The following SBF2 variants were observed in gnomAD, a reference collection of about 807,000 sequenced individuals.
The protein encoded by SBF2 is myotubularin-related protein 13.
Under a neutral mutation model 225.2 loss-of-function variants are expected in SBF2, and 112 were observed. The ratio of observed to expected loss-of-function variants is 0.50; its 90% CI spans 0.43 to 0.58. The LOEUF is 0.58. Ranked by LOEUF, SBF2 falls within the 20% of genes least tolerant of loss-of-function variation. SBF2 has a pLI of 0.00. For synonymous variants in SBF2, 763 were observed against 773.3 expected, an observed-to-expected ratio of 0.99 and a Z score of 0.22; for missense variants, 1,996 against 2,206.2, an observed-to-expected ratio of 0.90 and a Z score of 1.91.
intron 2 of SBF2, among the ~76,000 whole-genome samples, chr11:10,180,790 C>T (rs963812421): frequency 6.6e-6 from 1 of 152,078 alleles, no homozygotes; most frequent in African/African-American, 2.4e-5. Flanking sequence ...TCTTCAAGCT[C>T]ACAAATTCTT....
At chr11:10,293,911 T>A in intron 1 of SBF2, 104 bp downstream of exon 1, 1 of 738,338 alleles carries the variant, frequency 1.4e-6, no homozygotes, top group Non-Finnish European at 1.8e-6. Flanking sequence ...AGACTCGGCC[T>A]GGCCCTCCCC....
intron 1 of SBF2, among the ~76,000 whole-genome samples, chr11:10,259,877 GCTTCT>G (rs1435262762): frequency 5.9e-5 from 9 of 152,040 alleles, no homozygotes; most frequent in Admixed American, 4.6e-4. Flanking sequence ...AAAAATAGTA[GCTTCT>G]CTTGAGGACT....
intron 1 of SBF2, among the ~76,000 whole-genome samples, chr11:10,229,508 G>A (rs28851222): frequency 0.028 from 4,297 of 152,268 alleles, 219 homozygotes; most frequent in African/African-American, 0.098. Flanking sequence ...ATTCTGGTAC[G>A]TTGTGTCTTC....
At chr11:9,849,764 C>T (rs1051315580) in intron 22 of SBF2, among the ~76,000 whole-genome samples, 1 of 152,110 alleles carries the variant, frequency 6.6e-6, no homozygotes, top group African/African-American at 2.4e-5. Flanking sequence ...AACACTCTGC[C>T]TCATGAAATG....
intron 16 of SBF2, among the ~76,000 whole-genome samples, chr11:9,898,809 A>G (rs538285026): frequency 7.2e-5 from 11 of 152,352 alleles, no homozygotes; most frequent in Admixed American, 2.0e-4. Flanking sequence ...TATTTTAACT[A>G]ATTCATCCTA....
chr11:9,988,078 G>A (rs1257373159), intron 13 of SBF2, among the ~76,000 whole-genome samples: 3 of 152,086 alleles, frequency 2.0e-5, no homozygotes, highest in Non-Finnish European at 4.4e-5. Context: ...TAGACCAATG[G>A]AACAGAATAG....
intron 2 of SBF2, among the ~76,000 whole-genome samples, chr11:10,085,851 A>T (rs901818309): frequency 1.3e-5 from 2 of 151,948 alleles, no homozygotes; most frequent in Non-Finnish European, 2.9e-5. Context: ...CCAGCCAAAA[A>T]TAATTTTTCT....
At chr11:9,912,109 G>C (rs1452032012) in intron 16 of SBF2, among the ~76,000 whole-genome samples, 1 of 151,896 alleles carries the variant, frequency 6.6e-6, no homozygotes, top group Non-Finnish European at 1.5e-5. Flanking sequence ...AAGGTTAGGA[G>C]TTCAAGACCA....
chr11:10,069,450 G>A (rs1370070129), intron 2 of SBF2, among the ~76,000 whole-genome samples: 4 of 151,932 alleles, frequency 2.6e-5, no homozygotes, highest in African/African-American at 9.7e-5. Flanking sequence ...AAGAACGATG[G>A]TTTCTAACTT....
At chr11:9,823,335 G>A (rs955970238) in intron 28 of SBF2, among the ~76,000 whole-genome samples, 1 of 152,082 alleles carries the variant, frequency 6.6e-6, no homozygotes, top group Non-Finnish European at 1.5e-5. Flanking sequence ...CTGAAAAAGA[G>A]GTGAAGGTCA....
At chr11:10,006,332 T>C (rs1184729040) in intron 6 of SBF2, among the ~76,000 whole-genome samples, 3 of 152,226 alleles carry the variant, frequency 2.0e-5, no homozygotes, top group African/African-American at 7.2e-5. Flanking sequence ...AGATGACCTC[T>C]AATCCTGCCT....
chr11:10,098,274 A>C (rs1270047155), intron 2 of SBF2, among the ~76,000 whole-genome samples: 1 of 152,108 alleles, frequency 6.6e-6, no homozygotes, highest in Non-Finnish European at 1.5e-5. Context: ...GATTGAGAGA[A>C]GGAATGTAAA....
At chr11:10,098,842 T>A in intron 2 of SBF2, among the ~76,000 whole-genome samples, 1 of 150,384 alleles carries the variant, frequency 6.6e-6, no homozygotes, top group African/African-American at 2.4e-5. Context: ...TGATTTCCAG[T>A]CAGAGGAGAA....
chr11:9,942,977 GAGGAAGAA>G (rs1425809776), intron 16 of SBF2, among the ~76,000 whole-genome samples: 1 of 117,906 alleles, frequency 8.5e-6, no homozygotes, highest in Non-Finnish European at 1.9e-5. Flanking sequence ...GAAAAAGAAA[GAGGAAGAA>G]AGAAAGAAAG....
At chr11:9,850,907 A>ATG (rs1473503252) in intron 21 of SBF2, among the ~76,000 whole-genome samples, 3 of 152,180 alleles carry the variant, frequency 2.0e-5, no homozygotes, top group Admixed American at 2.0e-4. Flanking sequence ...AGGTTGAGGC[A>ATG]GATGGATCAC....
chr11:9,976,072 C>CTTCT (rs1554971833), intron 13 of SBF2, among the ~76,000 whole-genome samples: 1 of 128,254 alleles, frequency 7.8e-6, no homozygotes, highest in African/African-American at 3.0e-5. Context: ...TCTTCTTCTT[C>CTTCT]TTTTTTTTTT....
intron 34 of SBF2, among the ~76,000 whole-genome samples, chr11:9,789,612 T>C (rs1181391644): frequency 6.6e-6 from 1 of 152,218 alleles, no homozygotes; most frequent in Non-Finnish European, 1.5e-5. Context: ...CTCAGAATTT[T>C]ATACTAACAA....
intron 2 of SBF2, among the ~76,000 whole-genome samples, chr11:10,094,881 C>G (rs184750186): frequency 5.3e-5 from 8 of 151,402 alleles, no homozygotes; most frequent in Admixed American, 2.0e-4. Flanking sequence ...GTATCACTGA[C>G]AAGCCTTCTT....
chr11:10,166,899 T>G (rs145354814), intron 2 of SBF2, among the ~76,000 whole-genome samples: 14,515 of 151,384 alleles, frequency 0.096, 957 homozygotes, highest in East Asian at 0.28. Flanking sequence ...AAGTCAGAGG[T>G]TGCAGTGAGC....
Sources: allele counts gnomAD v4.1 joint callset (sites outside exome capture counted in the v4.1 genomes callset), GRCh38; gene constraint gnomAD v4.1.1; transcripts MANE v1.5; gene names NCBI Gene and HGNC (gene_info 2026-07-23, HGNC 2026-07-21).